The following TMEM143 variants were observed in gnomAD, a reference collection of about 807,000 sequenced individuals.
TMEM143 encodes transmembrane protein 143.
A neutral mutation model predicts 40.3 loss-of-function variants in TMEM143; 45 were observed. That is an observed-to-expected ratio of 1.12 (90% confidence interval 0.88 to 1.43). The LOEUF is 1.43. TMEM143 is among the 40% of genes most tolerant of loss of function. The pLI is 0.00. For synonymous variants in TMEM143, 299 were observed against 282.7 expected, an observed-to-expected ratio of 1.06 and a Z score of -0.58; for missense variants, 620 against 613.4, an observed-to-expected ratio of 1.01 and a Z score of -0.11.
chr19:48,348,169 C>T (rs1034919662), intron 3 of TMEM143, among the ~76,000 whole-genome samples: 3 of 152,128 alleles, frequency 2.0e-5, no homozygotes, highest in African/African-American at 7.2e-5. Flanking sequence ...AAATTCCATT[C>T]CCAGGCTGAG....
At chr19:48,350,374 C>T (rs987394881) in intron 3 of TMEM143, among the ~76,000 whole-genome samples, 6 of 151,984 alleles carry the variant, frequency 3.9e-5, no homozygotes, top group African/African-American at 9.7e-5. Flanking sequence ...GAGAAAGAGG[C>T]ACCTTTTTCT....
At chr19:48,348,017 C>T (rs1278889575) in intron 3 of TMEM143, among the ~76,000 whole-genome samples, 1 of 134,662 alleles carries the variant, frequency 7.4e-6, no homozygotes, top group Non-Finnish European at 1.6e-5. Context: ...CAGAGCGAGA[C>T]CCTGTCTCAA....
At chr19:48,343,169 A>T in intron 5 of TMEM143, 152 bp downstream of exon 5, 2 of 1,003,712 alleles carry the variant, frequency 2.0e-6, no homozygotes, top group Non-Finnish European at 1.4e-6. Flanking sequence ...TTCCCTTGAG[A>T]AGAAAAGACA....
At position 48,343,424 on chromosome 19, in the gene TMEM143, A is replaced by T; in HGVS notation, c.592T>A (p.Tyr198Asn). 6.3e-7 allele frequency: 1 copy of T among 1,585,806 alleles called. No homozygotes were observed. The highest frequency in any genetic ancestry group is 8.6e-7 in the Non-Finnish European group (1 of 1,165,572). ...QVTVNLDQYV[Y>N]IHFWALGQRV... Reference sequence around the variant, plus strand: ...TGGCCCAGGGCCCAGAAGTGAATGTAGACATACTGATCCAAATTTACTGTC... The same window carrying T: ...TGGCCCAGGGCCCAGAAGTGAATGTTGACATACTGATCCAAATTTACTGTC... The change falls in exon 5 of 8, where the codon TAC (tyrosine) becomes AAC (asparagine). Residue 198 changes from tyrosine to asparagine, a missense_variant. Physicochemically the swap from Tyr to Asn is moderately radical, Grantham distance 143 (BLOSUM62 -2). Coordinates refer to ENST00000293261, the MANE Select transcript of TMEM143 (RefSeq NM_018273.4).
At chr19:48,344,014 G>A (rs1015245480) in intron 4 of TMEM143, among the ~76,000 whole-genome samples, 1 of 151,918 alleles carries the variant, frequency 6.6e-6, no homozygotes, top group African/African-American at 2.4e-5. Flanking sequence ...AGCCTCCCAA[G>A]TAGCTGGGAC....
At chr19:48,362,771 C>T (rs1732884816) in intron 2 of TMEM143, among the ~76,000 whole-genome samples, 1 of 152,112 alleles carries the variant, frequency 6.6e-6, no homozygotes. Flanking sequence ...CAAATCTAAG[C>T]CACTATGTTG....
intron 6 of TMEM143, among the ~76,000 whole-genome samples, chr19:48,335,208 C>G (rs1431474406): frequency 6.6e-6 from 1 of 152,152 alleles, no homozygotes; most frequent in Non-Finnish European, 1.5e-5. Context: ...TAGGTGCTGG[C>G]TAGTGGAGTT....
chr19:48,349,629 G>C (rs377676366), intron 3 of TMEM143, among the ~76,000 whole-genome samples: 1 of 151,994 alleles, frequency 6.6e-6, no homozygotes, highest in East Asian at 1.9e-4. Context: ...CTGGACAACA[G>C]AGTGTGTCAG....
Position 48,339,671 on chromosome 19 carries a change from G to A in TMEM143, c.975+2859C>T, listed in dbSNP as rs140744202. Among the ~76,000 whole-genome samples, 27 of 152,198 alleles carry A rather than the reference G, an allele frequency of 1.8e-4. No homozygotes were observed. In the East Asian group the frequency reaches 3.9e-3, roughly 22 times the overall value. ...ACAGAGATCTGGGAGCAACTGAAGC[G>A]CAGGAGGGGACCAGCCAGGAGGGAG... On this transcript the variant is annotated intron_variant, in intron 6 of 7. Transcript: ENST00000293261.
rs556686693 is a variant in TMEM143 at position 48,348,025 on chromosome 19, C to CAAA, written c.370-2674_370-2672dup. ...TGGGTGACAGAGCGAGACCCTGTCT[C>CAAA]AAAAAAAAAAAAAAAGAAAAAGAGA... On this transcript the variant is annotated intron_variant, in intron 3 of 7. Transcript: ENST00000293261. Among the ~76,000 whole-genome samples, 7 of 103,322 alleles carry CAAA rather than the reference C, an allele frequency of 6.8e-5. 1 individual carries two copies. The highest frequency in any genetic ancestry group is 1.1e-4 in the Admixed American group (1 of 9,446). 67.8% of individuals were successfully genotyped at this position (103,322 alleles called of 152,430 possible). A position where few individuals can be genotyped will look rare whatever the true frequency, so the allele number is the denominator to read the frequency against.
At chr19:48,339,278 G>A (rs1448106051) in intron 6 of TMEM143, among the ~76,000 whole-genome samples, 1 of 152,196 alleles carries the variant, frequency 6.6e-6, no homozygotes, top group Non-Finnish European at 1.5e-5. Context: ...AAGATGTCAG[G>A]GGAGACGCTG....
At chr19:48,363,620 T>C (rs1411804272) in intron 1 of TMEM143, 89 bp from the exon 2 acceptor site, 1 of 1,502,706 alleles carries the variant, frequency 6.7e-7, no homozygotes, top group Non-Finnish European at 8.9e-7. Context: ...AGAAGCCGTC[T>C]CTACCCCAGG....
intron 5 of TMEM143, chr19:48,343,020 A>T (rs925982693): frequency 4.3e-6 from 3 of 699,840 alleles, no homozygotes; most frequent in Non-Finnish European, 6.9e-6. Context: ...GGACGTGCAG[A>T]TTGTTTGTTG....
intron 1 of TMEM143, 135 bp downstream of exon 1, chr19:48,363,763 C>T: frequency 6.7e-7 from 1 of 1,497,074 alleles, no homozygotes; most frequent in Non-Finnish European, 9.3e-7. Flanking sequence ...CCCAGAGACC[C>T]TGTAGTGGTA....
At chr19:48,363,662 G>T in intron 1 of TMEM143, 131 bp from the exon 2 acceptor site, 1 of 1,419,250 alleles carries the variant, frequency 7.0e-7, no homozygotes, top group Non-Finnish European at 9.4e-7. Context: ...TCGCCTCAAA[G>T]CCCCTGTTGC....
In TMEM143 at chr19:48,334,040, C is replaced by T. The variant is rs867338957; in HGVS notation, c.1133G>A (p.Arg378Gln). The part of the protein sequence containing the change: ...EALLAHSFLA[R>Q]RPGGTQGSPE... ...CGAGCCTTGAGTGCCCCCTGGCCGCCGGGCCAGGAAGCTGTGAGCCAGCAG... is the reference window on the plus strand; with the variant it reads ...CGAGCCTTGAGTGCCCCCTGGCCGCTGGGCCAGGAAGCTGTGAGCCAGCAG... Residue 378 changes from arginine to glutamine, a missense_variant, in exon 7 of 8, where the codon CGG becomes CAG. By Grantham distance (43) the Arg-to-Gln change is conservative. Transcript: ENST00000293261. The T allele has an allele frequency of 1.3e-6, 2 of 1,569,120 alleles. No individual in the cohort carries two copies. The highest frequency in any genetic ancestry group is 1.2e-5 in the South Asian group (1 of 86,556).
chr19:48,333,917 C>T lies in TMEM143; in HGVS notation c.1165+91G>A. The stretch of plus-strand genomic sequence containing the variant: ...TCTTCGCAAACCCGTCAGGTTCACC[C>T]GTGGGAACTGGGGGTGGGGACGCAT... On this transcript the variant is annotated intron_variant, in intron 7 of 7. Transcript: ENST00000293261. The surrounding 1 kb of genome is among the most constrained non-coding windows in gnomAD (Gnocchi z 4.1). 7.4e-7 allele frequency: 1 copy of T among 1,356,126 alleles called. No homozygotes were observed. Among genetic ancestry groups the T allele is most frequent in the Non-Finnish European group, 9.8e-7 (1 of 1,023,960 alleles). 84.0% of individuals were successfully genotyped at this position (1,356,126 alleles called of 1,614,324 possible). A position where few individuals can be genotyped will look rare whatever the true frequency, so the allele number is the denominator to read the frequency against.
rs1569022228 is a variant in TMEM143, at chr19:48,334,420, TTCTTTCTTTCTTTC to T, written c.976-237_976-224del. ...TTTCTTTTTCTTTCTTTTTCTCTCT[TTCTTTCTTTCTTTC>T]TTTCTTTCTTTCTTTCTTTCTTTCT... On this transcript the variant is annotated intron_variant, in intron 6 of 7. Coordinates refer to ENST00000293261, the MANE Select transcript of TMEM143 (RefSeq NM_018273.4). 8.0e-4 allele frequency among the ~76,000 whole-genome samples: 11 copies of T among 13,828 alleles called. No individual in the cohort carries two copies. In the South Asian group the frequency reaches 0.028, roughly 35 times the overall value. 9.1% of individuals were successfully genotyped at this position (13,828 alleles called of 152,430 possible). A position where few individuals can be genotyped will look rare whatever the true frequency, so the allele number is the denominator to read the frequency against.
chr19:48,345,704 C>A lies in TMEM143; in HGVS notation c.370-350G>T, dbSNP rs371316577. On this transcript the variant is annotated intron_variant, in intron 3 of 7. Transcript: ENST00000293261. ...CAGGCTGGTCTTGAACTCCTGAGCTCAGGCAATATGCCCGCCTCGGCCTCC... is the reference window on the plus strand; with the variant it reads ...CAGGCTGGTCTTGAACTCCTGAGCTAAGGCAATATGCCCGCCTCGGCCTCC... Among the ~76,000 whole-genome samples the A allele has an allele frequency of 3.3e-5, 5 of 151,932 alleles. No individual in the cohort carries two copies. The East Asian group carries it at 9.7e-4, about 29-fold the overall frequency.
Sources: allele counts gnomAD v4.1 joint callset (sites outside exome capture counted in the v4.1 genomes callset), GRCh38; gene constraint gnomAD v4.1.1; non-coding constraint Gnocchi (gnomAD v3.1); transcripts MANE v1.5; gene names NCBI Gene and HGNC (gene_info 2026-07-23, HGNC 2026-07-21).